The following KCNU1 variants were observed in gnomAD, a reference collection of about 807,000 sequenced individuals.
KCNU1 encodes potassium channel subfamily U member 1.
In KCNU1, 93 loss-of-function variants were observed where a neutral mutation model predicts 126.8. The ratio of observed to expected loss-of-function variants is 0.73; its 90% CI spans 0.62 to 0.87. The LOEUF is 0.87. KCNU1 is among the 40% of genes least tolerant of loss of function. The pLI is 0.00. For missense variants in KCNU1, 1,330 were observed against 1,367.1 expected (o/e 0.97, Z 0.43); for synonymous variants, 523 against 494.2 (o/e 1.06, Z -0.77).
chr8:36,841,710 A>T (rs1804963790), intron 16 of KCNU1, among the ~76,000 whole-genome samples: 1 of 152,136 alleles, frequency 6.6e-6, no homozygotes, highest in Non-Finnish European at 1.5e-5. Context: ...AAATAATTTT[A>T]AAAAAAGTAC....
In KCNU1 at chr8:36,862,182, T is replaced by A. The variant is rs189389006; in HGVS notation, c.1892-2222T>A. Among the ~76,000 whole-genome samples, 85 of 152,214 alleles carry A rather than the reference T, an allele frequency of 5.6e-4. 1 individual carries two copies. In the East Asian group the frequency reaches 0.013, roughly 23 times the overall value. On this transcript the variant is annotated intron_variant, in intron 18 of 26. Coordinates refer to ENST00000399881, the MANE Select transcript of KCNU1 (RefSeq NM_001031836.3). ...AAATAGTTAGCTATAGGTAGGTAGG[T>A]AGGTAGATAGATAGATAGATAATAG...
chr8:36,884,346 A>T (rs1189175843), intron 19 of KCNU1, among the ~76,000 whole-genome samples: 2 of 152,240 alleles, frequency 1.3e-5, no homozygotes, highest in Admixed American at 1.3e-4. Flanking sequence ...GTCATAAATC[A>T]CATCATAATG....
intron 24 of KCNU1, among the ~76,000 whole-genome samples, chr8:36,926,984 C>G (rs935061792): frequency 2.0e-5 from 3 of 152,174 alleles, no homozygotes; most frequent in Non-Finnish European, 4.4e-5. Context: ...ATATTTTCAA[C>G]TGGATATTAA....
At position 36,815,682 on chromosome 8, in the gene KCNU1, A is replaced by G. The variant is rs115248021; in HGVS notation, c.990A>G (p.Gly330=). ...KYTSSYEALK[G]KKFIVVCGNI... ...CCAGTTCCTATGAAGCACTCAAAGG[A>G]AAGAAGTAAGTAGTGTTTTAAGTAT... Residue 330 remains glycine (G), a synonymous_variant, in exon 9 of 27, where the codon GGA becomes GGG. Coordinates refer to ENST00000399881, the MANE Select transcript of KCNU1 (RefSeq NM_001031836.3). 6.5e-7 allele frequency: 1 copy of G among 1,547,650 alleles called. No individual in the cohort carries two copies. The highest frequency in any genetic ancestry group is 1.2e-5 in the South Asian group (1 of 86,428).
At chr8:36,907,762 T>A (rs1421657345) in intron 20 of KCNU1, among the ~76,000 whole-genome samples, 1 of 152,206 alleles carries the variant, frequency 6.6e-6, no homozygotes, top group East Asian at 1.9e-4. Context: ...AAGAATGATA[T>A]ATCCATTTGA....
chr8:36,921,252 C>G (rs1031811800), intron 23 of KCNU1, among the ~76,000 whole-genome samples: 2 of 152,122 alleles, frequency 1.3e-5, no homozygotes, highest in South Asian at 2.1e-4. Context: ...TGAAGAGGGC[C>G]AAGTGACACC....
At chr8:36,794,440 C>T (rs1052999324) in intron 2 of KCNU1, among the ~76,000 whole-genome samples, 3 of 152,092 alleles carry the variant, frequency 2.0e-5, no homozygotes, top group Admixed American at 2.0e-4. Context: ...TATACACATA[C>T]ACATATGTAT....
chr8:36,869,063 TAA>T (rs990690936), intron 19 of KCNU1, among the ~76,000 whole-genome samples: 1 of 152,210 alleles, frequency 6.6e-6, no homozygotes, highest in Non-Finnish European at 1.5e-5. Context: ...TCTTCTTTAG[TAA>T]AACTGATTTT....
At chr8:36,816,698 T>C (rs545777743) in intron 9 of KCNU1, among the ~76,000 whole-genome samples, 1 of 152,340 alleles carries the variant, frequency 6.6e-6, no homozygotes, top group African/African-American at 2.4e-5. Context: ...CAATGGCTAA[T>C]AGGAGGAAAA....
intron 19 of KCNU1, among the ~76,000 whole-genome samples, chr8:36,895,616 C>T (rs1167030458): frequency 6.6e-6 from 1 of 152,048 alleles, no homozygotes; most frequent in Non-Finnish European, 1.5e-5. Context: ...TAATGTCATT[C>T]TTCTTTATAT....
intron 23 of KCNU1, among the ~76,000 whole-genome samples, chr8:36,922,192 GA>G (rs1808374810): frequency 6.6e-6 from 1 of 152,160 alleles, no homozygotes; most frequent in Non-Finnish European, 1.5e-5. Flanking sequence ...ATCCTGGTTT[GA>G]AAGATAAATT....
chr8:36,892,864 G>A (rs1469240834), intron 19 of KCNU1, among the ~76,000 whole-genome samples: 1 of 152,092 alleles, frequency 6.6e-6, no homozygotes, highest in East Asian at 1.9e-4. Flanking sequence ...TCCCCTGGGT[G>A]TATTTACAAC....
chr8:36,785,277 G>T (rs1802673838), intron 1 of KCNU1, among the ~76,000 whole-genome samples: 1 of 152,174 alleles, frequency 6.6e-6, no homozygotes, highest in African/African-American at 2.4e-5. Flanking sequence ...GCTCTCAAAT[G>T]CTGTGTAATG....
intron 19 of KCNU1, among the ~76,000 whole-genome samples, chr8:36,883,257 C>G (rs1424007443): frequency 6.6e-6 from 1 of 152,226 alleles, no homozygotes; most frequent in African/African-American, 2.4e-5. Flanking sequence ...GGTGACCTAT[C>G]ATGCTTTAAA....
intron 19 of KCNU1, among the ~76,000 whole-genome samples, chr8:36,892,922 T>C (rs756312420): frequency 6.6e-6 from 1 of 152,084 alleles, no homozygotes; most frequent in Non-Finnish European, 1.5e-5. Context: ...CTACAGTGAA[T>C]GTTTCAAAAC....
rs371438012 is a variant in KCNU1, at chr8:36,909,477, A to T, written c.2273A>T (p.Asp758Val). The T allele has an allele frequency of 9.3e-6, 15 of 1,613,524 alleles. No individual in the cohort carries two copies. Among genetic ancestry groups the T allele is most frequent in the Non-Finnish European group, 1.3e-5 (15 of 1,179,454 alleles). ...GACATAGTGTTCATTGGGTCTCTGG[A>T]CTATCTACAGAGAGAATGGCGATTT... is the stretch of plus-strand genomic sequence containing the variant. Reference protein sequence around the residue: ...LKDIVFIGSLDYLQREWRFLW... With the variant: ...LKDIVFIGSLVYLQREWRFLW... The change falls in exon 21 of 27, where the codon GAC (aspartate) becomes GTC (valine). Residue 758 changes from aspartate to valine, a missense_variant. Asp to Val is a radical substitution (Grantham distance 152). Transcript: ENST00000399881.
intron 22 of KCNU1, among the ~76,000 whole-genome samples, chr8:36,914,126 A>G (rs1335725849): frequency 6.6e-6 from 1 of 152,210 alleles, no homozygotes; most frequent in African/African-American, 2.4e-5. Context: ...AGAACCAGGA[A>G]TACACACCCC....
At chr8:36,909,142 C>G (rs1002572691) in intron 20 of KCNU1, among the ~76,000 whole-genome samples, 169 bp from the exon 21 acceptor site, 2 of 152,178 alleles carry the variant, frequency 1.3e-5, no homozygotes, top group Non-Finnish European at 2.9e-5. Context: ...AATTGCACCA[C>G]TTGTGCATGA....
At chr8:36,909,230 G>A in intron 20 of KCNU1, 81 bp from the exon 21 acceptor site, 1 of 832,590 alleles carries the variant, frequency 1.2e-6, no homozygotes, top group Non-Finnish European at 2.1e-6. Context: ...TAGAAGAATT[G>A]GGAGGAGAAG....
Sources: gnomAD v4.1 joint callset for allele counts (sites outside exome capture counted in the v4.1 genomes callset) on GRCh38, gnomAD v4.1.1 for gene constraint, MANE v1.5 for transcripts, NCBI Gene and HGNC (gene_info 2026-07-23, HGNC 2026-07-21) for gene names.